The following EYA1 variants were observed in gnomAD, a reference collection of about 807,000 sequenced individuals.
The protein encoded by EYA1 is EYA transcriptional coactivator and phosphatase 1.
EYA1 carries 16 observed loss-of-function variants against 82.0 expected under a neutral mutation model. The ratio of observed to expected loss-of-function variants is 0.20; its 90% CI spans 0.13 to 0.30. The LOEUF (loss-of-function observed/expected upper bound fraction) is 0.30. Ranked by LOEUF, EYA1 falls within the 10% of genes least tolerant of loss-of-function variation. The pLI, the probability that EYA1 is intolerant of heterozygous loss-of-function variation, is 1.00. For missense variants in EYA1, 633 were observed against 730.7 expected (o/e 0.87, Z 1.54); for synonymous variants, 261 against 264.4 (o/e 0.99, Z 0.12).
chr8:71,321,360 T>A (rs1365292073), intron 6 of EYA1, among the ~76,000 whole-genome samples: 1 of 152,222 alleles, frequency 6.6e-6, no homozygotes, highest in Non-Finnish European at 1.5e-5. Flanking sequence ...CAGCTAGGCA[T>A]CTGATAAATA....
intron 1 of EYA1, among the ~76,000 whole-genome samples, chr8:71,543,965 T>A (rs1815353776): frequency 6.6e-6 from 1 of 152,164 alleles, no homozygotes; most frequent in South Asian, 2.1e-4. Flanking sequence ...TCCTGGATGC[T>A]GACTCTTACT....
intron 11 of EYA1, among the ~76,000 whole-genome samples, chr8:71,268,818 C>A (rs1414215887): frequency 2.0e-5 from 3 of 152,152 alleles, no homozygotes; most frequent in African/African-American, 7.2e-5. Context: ...GTTGAAAGAA[C>A]AACCACCCGG....
intron 12 of EYA1, among the ~76,000 whole-genome samples, chr8:71,242,773 C>CTTTTT (rs35413533): frequency 9.0e-4 from 106 of 117,594 alleles, no homozygotes; most frequent in African/African-American, 3.1e-3. Context: ...AGTTTTGGCA[C>CTTTTT]TTTTTTTTTT....
intron 2 of EYA1, among the ~76,000 whole-genome samples, chr8:71,455,552 T>C (rs1807819155): frequency 1.3e-5 from 2 of 152,220 alleles, no homozygotes; most frequent in South Asian, 4.1e-4. Flanking sequence ...TCAAAAGGCT[T>C]ATCCACGATG....
In EYA1 at chr8:71,335,793, T is replaced by C. The variant is rs188204550; in HGVS notation, c.125-1619A>G. Among the ~76,000 whole-genome samples, 781 of 151,880 alleles carry C rather than the reference T, an allele frequency of 5.1e-3. 11 individuals are homozygous for C. Among genetic ancestry groups the C allele is most frequent in the South Asian group, 0.044 (212 of 4,810 alleles). On this transcript the variant is annotated intron_variant, in intron 3 of 17. Transcript: ENST00000340726. ...GCTGTCCACATCATACCTTACCTCC[T>C]TAAAAACACACACACACACACACAA...
At chr8:71,257,661 T>G (rs1814601998) in intron 11 of EYA1, among the ~76,000 whole-genome samples, 1 of 152,204 alleles carries the variant, frequency 6.6e-6, no homozygotes, top group Non-Finnish European at 1.5e-5. Flanking sequence ...TTCTATTCAC[T>G]CTATTCATTT....
intron 2 of EYA1, among the ~76,000 whole-genome samples, chr8:71,371,670 CA>C (rs1378557646): frequency 1.3e-5 from 2 of 152,098 alleles, no homozygotes; most frequent in East Asian, 3.9e-4. Context: ...AAGCAACTTG[CA>C]GGAAACAGAG....
chr8:71,497,076 T>A (rs2129232157), intron 2 of EYA1, among the ~76,000 whole-genome samples: 1 of 151,942 alleles, frequency 6.6e-6, no homozygotes, highest in South Asian at 2.1e-4. Context: ...ATCAAGAAAA[T>A]GGGGAAAATA....
At chr8:71,518,432 T>C (rs1724466910) in intron 2 of EYA1, among the ~76,000 whole-genome samples, 1 of 152,164 alleles carries the variant, frequency 6.6e-6, no homozygotes. Flanking sequence ...AACAAGAACT[T>C]GAAGACGATG....
rs373281401 is a variant in EYA1 at position 71,211,142 on chromosome 8, C to T, written c.1698+14G>A. 3.3e-6 allele frequency: 5 copies of T among 1,535,972 alleles called. No homozygotes were observed. The highest frequency in any genetic ancestry group is 4.5e-6 in the Non-Finnish European group (5 of 1,108,920). On this transcript the variant is annotated intron_variant, in intron 17 of 17. Coordinates refer to ENST00000340726, the MANE Select transcript of EYA1 (RefSeq NM_000503.6). ...AAACAAATGAGACAAGATGCACCATCTAGGAATGCTCACCTTTTTTGCTCC... is the reference window on the plus strand; with the variant it reads ...AAACAAATGAGACAAGATGCACCATTTAGGAATGCTCACCTTTTTTGCTCC...
chr8:71,224,478 G>A (rs1288804186), intron 12 of EYA1, among the ~76,000 whole-genome samples: 1 of 152,220 alleles, frequency 6.6e-6, no homozygotes, highest in African/African-American at 2.4e-5. Flanking sequence ...CTGTCATTAA[G>A]TGATTACATC....
chr8:71,412,491 A>G (rs1048091710), intron 2 of EYA1, among the ~76,000 whole-genome samples: 1 of 152,164 alleles, frequency 6.6e-6, no homozygotes, highest in Admixed American at 6.5e-5. Flanking sequence ...GCATATGTTT[A>G]AGTGACCTTA....
intron 6 of EYA1, among the ~76,000 whole-genome samples, chr8:71,318,109 A>G (rs1403676019): frequency 1.3e-5 from 2 of 152,196 alleles, no homozygotes; most frequent in African/African-American, 4.8e-5. Context: ...CCTTTTTTAT[A>G]TTAAAAATAT....
intron 12 of EYA1, among the ~76,000 whole-genome samples, chr8:71,227,214 A>C (rs2128875182): frequency 6.6e-6 from 1 of 152,276 alleles, no homozygotes; most frequent in East Asian, 1.9e-4. Context: ...AACTACTCTT[A>C]AGAATGAGCC....
chr8:71,349,674 A>G (rs1229012565), intron 3 of EYA1, among the ~76,000 whole-genome samples: 1 of 152,236 alleles, frequency 6.6e-6, no homozygotes, highest in Non-Finnish European at 1.5e-5. Flanking sequence ...GTCCTCACAG[A>G]AAGTCTGATG....
intron 2 of EYA1, among the ~76,000 whole-genome samples, chr8:71,511,986 C>A (rs1390260316): frequency 6.6e-6 from 1 of 151,794 alleles, no homozygotes; most frequent in African/African-American, 2.4e-5. Context: ...TAGTAAAAAG[C>A]AGGCCATATT....
intron 4 of EYA1, among the ~76,000 whole-genome samples, chr8:71,323,182 T>C (rs1369215145): frequency 6.6e-6 from 1 of 152,096 alleles, no homozygotes; most frequent in Non-Finnish European, 1.5e-5. Flanking sequence ...TACATACATA[T>C]ATATCTACAC....
chr8:71,363,833 A>G (rs1488069487), upstream of EYA1, among the ~76,000 whole-genome samples: 1 of 152,174 alleles, frequency 6.6e-6, no homozygotes, highest in African/African-American at 2.4e-5. Flanking sequence ...TTTTACATTT[A>G]GCTATTGTAT....
intron 11 of EYA1, among the ~76,000 whole-genome samples, chr8:71,254,090 G>A (rs1219622676): frequency 6.6e-6 from 1 of 151,772 alleles, no homozygotes; most frequent in Non-Finnish European, 1.5e-5. Flanking sequence ...CTTCTTCTTA[G>A]TCAACCTCCT....
Sources: gnomAD v4.1 joint callset for allele counts (sites outside exome capture counted in the v4.1 genomes callset) on GRCh38, gnomAD v4.1.1 for gene constraint, MANE v1.5 for transcripts, NCBI Gene and HGNC (gene_info 2026-07-23, HGNC 2026-07-21) for gene names.